SNRNP70: variants seen among roughly 807,000 people sequenced by gnomAD.
SNRNP70 encodes U1 small nuclear ribonucleoprotein 70 kDa.
A neutral mutation model predicts 50.5 loss-of-function variants in SNRNP70; 8 were observed. That is an observed-to-expected ratio of 0.16 (90% CI 0.09 to 0.29). The LOEUF (loss-of-function observed/expected upper bound fraction) is 0.29, where lower values mean the gene tolerates loss of function less well. Among genes scored for constraint, SNRNP70 ranks in the 10% least tolerant of loss-of-function variants. The pLI, the probability that SNRNP70 is intolerant of heterozygous loss-of-function variation, is 1.00. For synonymous variants in SNRNP70, 320 were observed against 252.9 expected (o/e 1.27, Z -2.52); for missense variants, 529 against 663.5 (o/e 0.80, Z 2.23).
chr19:49,091,127 T>C (rs1260249489), intron 4 of SNRNP70, among the ~76,000 whole-genome samples: 3 of 152,038 alleles, frequency 2.0e-5, no homozygotes, highest in African/African-American at 7.2e-5. Flanking sequence ...TCCCAGTACT[T>C]TGGGAGGCCG....
At position 49,098,656 on chromosome 19, in the gene SNRNP70, A is replaced by G. The variant is rs563101794; in HGVS notation, c.345A>G (p.Thr115=). The change falls in exon 6 of 10, where the codon ACA becomes ACG. Residue 115 remains threonine, a synonymous_variant. Coordinates refer to ENST00000598441, the MANE Select transcript of SNRNP70 (RefSeq NM_003089.6). ...LFVARVNYDT[T]ESKLRREFEV... is the part of the protein sequence containing the mutation. ...TCTCCTTGTAGAATTATGACACAACAGAATCCAAGCTCCGGAGAGAGTTTG... is the reference window on the plus strand; with the variant it reads ...TCTCCTTGTAGAATTATGACACAACGGAATCCAAGCTCCGGAGAGAGTTTG... 6 of 1,614,112 alleles carry G rather than the reference A, an allele frequency of 3.7e-6. No individual in the cohort carries two copies. In the African/African-American group the frequency reaches 8.0e-5, roughly 22 times the overall value.
chr19:49,086,363 C>T, intron 1 of SNRNP70, 42 bp from the exon 2 acceptor site: 4 of 1,582,236 alleles, frequency 2.5e-6, no homozygotes, highest in Non-Finnish European at 2.6e-6. Context: ...TTTCTCTGTG[C>T]AGACCCGATC....
chr19:49,093,001 G>A (rs2040466819), intron 4 of SNRNP70, among the ~76,000 whole-genome samples: 1 of 147,882 alleles, frequency 6.8e-6, no homozygotes, highest in Non-Finnish European at 1.5e-5. Flanking sequence ...CTGCAACCTT[G>A]AATTCCTGGC....
chr19:49,089,367 AG>A lies in SNRNP70; in HGVS notation c.148-918del, dbSNP rs954124888. Reference sequence around the variant, plus strand: ...GGGTTCCTTTTAGAGAGACGGGCACAGGGGGGAAAGCAGGGCTTAGAATCGC... The same window carrying A: ...GGGTTCCTTTTAGAGAGACGGGCACAGGGGGAAAGCAGGGCTTAGAATCGC... On this transcript the variant is annotated intron_variant, in intron 2 of 9. Coordinates refer to ENST00000598441, the MANE Select transcript of SNRNP70 (RefSeq NM_003089.6). Among the ~76,000 whole-genome samples, 7 of 151,930 alleles carry A rather than the reference AG, an allele frequency of 4.6e-5. No homozygotes were observed. In the East Asian group the frequency reaches 5.8e-4, roughly 13 times the overall value.
intron 6 of SNRNP70, among the ~76,000 whole-genome samples, chr19:49,100,440 C>T (rs572556185): frequency 2.0e-4 from 30 of 152,280 alleles, no homozygotes; most frequent in Non-Finnish European, 7.4e-5. Context: ...CGGGATGGGA[C>T]GCATCCCTCA....
At chr19:49,089,723 T>C (rs4802553) in intron 2 of SNRNP70, among the ~76,000 whole-genome samples, 68,684 of 137,916 alleles carry the variant, frequency 0.5, 17,017 homozygotes, top group South Asian at 0.57. Flanking sequence ...AGTGCAGTGG[T>C]GCGATCTCGG....
intron 1 of SNRNP70, 68 bp from the exon 2 acceptor site, chr19:49,086,337 A>G (rs2040379171): frequency 1.3e-6 from 2 of 1,486,108 alleles, no homozygotes; most frequent in African/African-American, 2.8e-5. Flanking sequence ...TTTGAGAGTC[A>G]AGGAGTAACA....
chr19:49,105,169 C>T (rs2040650127), intron 8 of SNRNP70, among the ~76,000 whole-genome samples: 1 of 152,110 alleles, frequency 6.6e-6, no homozygotes, highest in South Asian at 2.1e-4. Context: ...ACTGATTCAG[C>T]AAGTACCTAT....
chr19:49,087,170 A>G (rs1281565266), intron 2 of SNRNP70, among the ~76,000 whole-genome samples: 1 of 107,654 alleles, frequency 9.3e-6, no homozygotes, highest in Non-Finnish European at 1.8e-5. Context: ...ACAGAACAAG[A>G]CTGTCTCAAA....
intron 7 of SNRNP70, chr19:49,102,270 C>T (rs2122376820): frequency 1.0e-6 from 1 of 955,850 alleles, no homozygotes; most frequent in South Asian, 1.4e-5. Context: ...CGCCCCTCCT[C>T]CCACCCCAGT....
Position 49,107,408 on chromosome 19 carries a change from G to A in SNRNP70, c.578-217G>A, listed in dbSNP as rs1384628022. Among the ~76,000 whole-genome samples, 1 of 152,228 alleles carries A rather than the reference G, an allele frequency of 6.6e-6. No homozygotes were observed. The highest frequency in any genetic ancestry group is 1.5e-5 in the Non-Finnish European group (1 of 68,038). ...GGGCCAGACATGGGTTCCAGTAACG[G>A]CTGTTGCCTAGCGAACGCTTTGTGT... On this transcript the variant is annotated intron_variant, in intron 8 of 9. Transcript: ENST00000598441. The surrounding 1 kb of genome is among the most constrained non-coding windows in gnomAD (Gnocchi z 6.0).
intron 6 of SNRNP70, among the ~76,000 whole-genome samples, 185 bp from the exon 7 acceptor site, chr19:49,101,205 C>T (rs2040580763): frequency 6.6e-6 from 1 of 152,244 alleles, no homozygotes; most frequent in Non-Finnish European, 1.5e-5. Context: ...GTGTCATTTT[C>T]TCCAGGAAGC....
chr19:49,098,800 C>A, intron 6 of SNRNP70, 96 bp downstream of exon 6: 1 of 970,386 alleles, frequency 1.0e-6, no homozygotes, highest in African/African-American at 1.6e-5. Flanking sequence ...CTGAGCATGG[C>A]TCACACCATT....
intron 4 of SNRNP70, among the ~76,000 whole-genome samples, chr19:49,093,723 G>A (rs2040479400): frequency 6.8e-6 from 1 of 146,184 alleles, no homozygotes; most frequent in Non-Finnish European, 1.5e-5. Context: ...GGCCAGGCAC[G>A]GAGGCTCATG....
At position 49,104,986 on chromosome 19, in the gene SNRNP70, C is replaced by G. The variant is rs1378692806; in HGVS notation, c.577+251C>G. 1.3e-5 allele frequency among the ~76,000 whole-genome samples: 2 copies of G among 152,174 alleles called. No individual in the cohort carries two copies. The highest frequency in any genetic ancestry group is 2.4e-5 in the African/African-American group (1 of 41,442). On this transcript the variant is annotated intron_variant, in intron 8 of 9. Transcript: ENST00000598441. The surrounding 1 kb of genome is among the most constrained non-coding windows in gnomAD (Gnocchi z 5.4). ...GCCCACATGCTGGCGTCCGCCCTTGCTAGCTGGGGGTCCCCTTTTCCTGCC... is the reference window on the plus strand; with the variant it reads ...GCCCACATGCTGGCGTCCGCCCTTGGTAGCTGGGGGTCCCCTTTTCCTGCC...
chr19:49,105,757 T>G (rs1600293099), intron 8 of SNRNP70, among the ~76,000 whole-genome samples: 1 of 149,906 alleles, frequency 6.7e-6, no homozygotes. Context: ...ACAAAAAAAC[T>G]GGGGCGACCC....
rs574733145 is a variant in SNRNP70, at chr19:49,092,916, T to C, written c.265+2396T>C. Among the ~76,000 whole-genome samples, 28 of 135,174 alleles carry C rather than the reference T, an allele frequency of 2.1e-4. 1 individual carries two copies. The highest frequency in any genetic ancestry group is 4.9e-4 in the South Asian group (2 of 4,122). 88.7% of individuals were successfully genotyped at this position (135,174 alleles called of 152,430 possible). ...TGCTCAGCCTCTTTTTTTTTTGTTGTGTTTTGTTTTGTTCTTAGGGACAGG... is the reference window on the plus strand; with the variant it reads ...TGCTCAGCCTCTTTTTTTTTTGTTGCGTTTTGTTTTGTTCTTAGGGACAGG... On this transcript the variant is annotated intron_variant, in intron 4 of 9. Coordinates refer to ENST00000598441, the MANE Select transcript of SNRNP70 (RefSeq NM_003089.6).
intron 4 of SNRNP70, among the ~76,000 whole-genome samples, chr19:49,097,262 C>T (rs1441726623): frequency 6.6e-6 from 1 of 152,162 alleles, no homozygotes; most frequent in Non-Finnish European, 1.5e-5. Flanking sequence ...GAGGTGAAGT[C>T]TGCCTTGGCC....
chr19:49,086,456 C>G lies in SNRNP70; in HGVS notation c.42C>G (p.Ala14=). The change falls in exon 2 of 10, where the codon GCC becomes GCG. Residue 14 remains alanine (A), a synonymous_variant. Coordinates refer to ENST00000598441, the MANE Select transcript of SNRNP70 (RefSeq NM_003089.6). The stretch of plus-strand genomic sequence containing the variant: ...CGCCCAACCTTCTGGCCCTCTTTGC[C>G]CCCCGTGACCCTATTCCATACCTGC... ...FLPPNLLALF[A]PRDPIPYLPP... is the part of the protein sequence containing the mutation. 6.2e-7 allele frequency: 1 copy of G among 1,614,016 alleles called. No individual in the cohort carries two copies. Among genetic ancestry groups the G allele is most frequent in the East Asian group, 2.2e-5 (1 of 44,886 alleles).
Sources: gnomAD v4.1 joint callset for allele counts (sites outside exome capture counted in the v4.1 genomes callset) on GRCh38, gnomAD v4.1.1 for gene constraint, Gnocchi (gnomAD v3.1) non-coding constraint, MANE v1.5 for transcripts, NCBI Gene and HGNC (gene_info 2026-07-23, HGNC 2026-07-21) for gene names.